The following SUGCT variants were observed in gnomAD, a reference collection of about 807,000 sequenced individuals.
The protein encoded by SUGCT is succinyl-CoA:glutarate-CoA transferase.
SUGCT carries 41 observed loss-of-function variants against 55.0 expected under a neutral mutation model. That is an observed-to-expected ratio of 0.74 (90% CI 0.58 to 0.97). The LOEUF is 0.97. Among genes scored for constraint, SUGCT ranks in the 50% least tolerant of loss-of-function variants. The pLI is 0.00. For synonymous variants in SUGCT, 187 were observed against 200.4 expected (o/e 0.93, Z 0.56); for missense variants, 568 against 547.8 (o/e 1.04, Z -0.37).
chr7:40,676,352 A>C (rs1783975983), intron 12 of SUGCT, among the ~76,000 whole-genome samples: 1 of 152,126 alleles, frequency 6.6e-6, no homozygotes, highest in African/African-American at 2.4e-5. Flanking sequence ...GTTTTATGAG[A>C]TCTTGCATCT....
intron 12 of SUGCT, among the ~76,000 whole-genome samples, chr7:40,528,051 T>C (rs1489337910): frequency 6.6e-6 from 1 of 152,182 alleles, no homozygotes; most frequent in Non-Finnish European, 1.5e-5. Flanking sequence ...TACTTATGCA[T>C]GGAGTGATGT....
chr7:40,928,067 C>G, the SUGCT span, among the ~76,000 whole-genome samples: 32 of 151,642 alleles, frequency 2.1e-4, no homozygotes, highest in Admixed American at 2.0e-4. Flanking sequence ...TTTATTTTTT[C>G]CTAAAATTTC....
At chr7:40,784,429 C>T (rs1789918016) in intron 13 of SUGCT, among the ~76,000 whole-genome samples, 1 of 152,168 alleles carries the variant, frequency 6.6e-6, no homozygotes. Flanking sequence ...CGACTTATAA[C>T]ACTTTTATGT....
chr7:40,838,238 C>A (rs373819666), intron 13 of SUGCT, among the ~76,000 whole-genome samples: 1 of 152,108 alleles, frequency 6.6e-6, no homozygotes, highest in Non-Finnish European at 1.5e-5. Flanking sequence ...ATTACAAATC[C>A]TATGTCTTTT....
At chr7:40,280,858 GAGT>G (rs1467317239) in intron 8 of SUGCT, among the ~76,000 whole-genome samples, 1 of 152,124 alleles carries the variant, frequency 6.6e-6, no homozygotes, top group Non-Finnish European at 1.5e-5. Flanking sequence ...AGGTTTTGAT[GAGT>G]ACCCGTATTG....
chr7:40,606,982 A>T (rs1798562431), intron 12 of SUGCT, among the ~76,000 whole-genome samples: 1 of 152,180 alleles, frequency 6.6e-6, no homozygotes, highest in Non-Finnish European at 1.5e-5. Flanking sequence ...AAAATGCTTG[A>T]TATTCTAACC....
chr7:40,416,214 C>T (rs944989302), intron 9 of SUGCT, among the ~76,000 whole-genome samples: 31 of 151,628 alleles, frequency 2.0e-4, no homozygotes, highest in African/African-American at 7.2e-4. Context: ...GTTTTAATTT[C>T]TTGTTTTTGT....
chr7:40,520,121 C>T (rs117693376), intron 12 of SUGCT, among the ~76,000 whole-genome samples: 1,678 of 152,034 alleles, frequency 0.011, 12 homozygotes, highest in Middle Eastern at 0.031. Flanking sequence ...AAGAAAAATC[C>T]GACTTAAGAG....
intron 13 of SUGCT, among the ~76,000 whole-genome samples, chr7:40,857,144 G>A (rs1794218861): frequency 6.6e-6 from 1 of 152,130 alleles, no homozygotes; most frequent in Admixed American, 6.5e-5. Flanking sequence ...TTAAGAACAT[G>A]TGACTTACCT....
intron 6 of SUGCT, among the ~76,000 whole-genome samples, chr7:40,215,082 G>A (rs866242367): frequency 2.4e-4 from 36 of 152,088 alleles, no homozygotes; most frequent in African/African-American, 7.0e-4. Context: ...TGGCAGATAC[G>A]TTAGGGTCTA....
At chr7:40,999,817 T>C in the SUGCT span, among the ~76,000 whole-genome samples, 2 of 152,228 alleles carry the variant, frequency 1.3e-5, no homozygotes, top group African/African-American at 2.4e-5. Context: ...ACAATTACAT[T>C]TGACAACTGC....
chr7:40,678,523 C>T (rs1784104833), intron 12 of SUGCT, among the ~76,000 whole-genome samples: 1 of 152,122 alleles, frequency 6.6e-6, no homozygotes, highest in Non-Finnish European at 1.5e-5. Flanking sequence ...GTGTGAATGG[C>T]AATTCATACT....
At chr7:40,920,964 T>C in the SUGCT span, among the ~76,000 whole-genome samples, 189 of 152,352 alleles carry the variant, frequency 1.2e-3, no homozygotes, top group Non-Finnish European at 2.2e-3. Flanking sequence ...TTAGTATTCC[T>C]GTGCTATGCT....
chr7:40,196,212 T>C (rs910381736), intron 6 of SUGCT, among the ~76,000 whole-genome samples: 1 of 152,208 alleles, frequency 6.6e-6, no homozygotes, highest in Admixed American at 6.5e-5. Flanking sequence ...CGGTGTTACT[T>C]AGTTTTCTAT....
chr7:40,197,521 G>T (rs1460553917), intron 6 of SUGCT, among the ~76,000 whole-genome samples: 1 of 152,188 alleles, frequency 6.6e-6, no homozygotes, highest in East Asian at 1.9e-4. Flanking sequence ...TTGTGCATTG[G>T]GGGACTGGTA....
At chr7:40,864,108 G>A (rs1373630020), downstream of SUGCT, among the ~76,000 whole-genome samples, 5 of 152,122 alleles carry the variant, frequency 3.3e-5, no homozygotes, top group Non-Finnish European at 7.4e-5. Flanking sequence ...GAGATGCTTA[G>A]TTTCTCCATA....
intron 9 of SUGCT, among the ~76,000 whole-genome samples, chr7:40,352,693 G>A (rs556799928): frequency 4.2e-4 from 64 of 152,256 alleles, no homozygotes; most frequent in African/African-American, 1.4e-3. Flanking sequence ...TGGGCATTTA[G>A]GTTGATCCCA....
chr7:40,772,381 G>T (rs1789150367), intron 13 of SUGCT, among the ~76,000 whole-genome samples: 1 of 152,026 alleles, frequency 6.6e-6, no homozygotes, highest in South Asian at 2.1e-4. Flanking sequence ...AAAAGACAGA[G>T]TTCCATGTTT....
At chr7:40,457,327 G>A (rs978544216) in intron 10 of SUGCT, among the ~76,000 whole-genome samples, 3 of 151,826 alleles carry the variant, frequency 2.0e-5, no homozygotes, top group Non-Finnish European at 2.9e-5. Flanking sequence ...GCCTGTAATC[G>A]CAGCTACTCA....
Sources: gnomAD v4.1 joint callset for allele counts (sites outside exome capture counted in the v4.1 genomes callset) on GRCh38, gnomAD v4.1.1 for gene constraint, MANE v1.5 for transcripts, NCBI Gene and HGNC (gene_info 2026-07-23, HGNC 2026-07-21) for gene names.